Variants in XRN2 observed in about 807,000 individuals in gnomAD.
XRN2 encodes DHM1-like protein.
Under a neutral mutation model 138.5 loss-of-function variants are expected in XRN2, and 44 were observed. The observed-to-expected ratio is 0.32, with a 90% CI of 0.25 to 0.41. XRN2 has a LOEUF of 0.41. Among genes scored for constraint, XRN2 ranks in the 10% least tolerant of loss-of-function variants. The probability of loss-of-function intolerance (pLI) is 1.00; values close to 1 mark genes in which losing one functional copy is unlikely to be tolerated. For synonymous variants in XRN2, 354 were observed against 369.4 expected (o/e 0.96, Z 0.48); for missense variants, 937 against 1,169.3 (o/e 0.80, Z 2.90).
At chr20:21,357,686 T>C (rs1442525677) in intron 23 of XRN2, 50 bp from the exon 24 acceptor site, 21 of 1,472,274 alleles carry the variant, frequency 1.4e-5, no homozygotes, top group Non-Finnish European at 1.8e-5. Context: ...TCCACTTACC[T>C]AAAAGGTTAC....
intron 20 of XRN2, among the ~76,000 whole-genome samples, chr20:21,352,402 A>G (rs1176971702): frequency 6.6e-6 from 1 of 151,780 alleles, no homozygotes; most frequent in African/African-American, 2.4e-5. Context: ...ATCTCGGCTC[A>G]CTGTAACCTC....
intron 29 of XRN2, 114 bp downstream of exon 29, chr20:21,387,120 G>A: frequency 1.4e-6 from 2 of 1,404,564 alleles, no homozygotes; most frequent in Non-Finnish European, 1.9e-6. Flanking sequence ...GAGTAGCTTA[G>A]AGTAGCTTGG....
At chr20:21,309,441 C>T (rs2037848631) in intron 1 of XRN2, among the ~76,000 whole-genome samples, 1 of 152,152 alleles carries the variant, frequency 6.6e-6, no homozygotes, top group African/African-American at 2.4e-5. Context: ...TCAAGCTTGT[C>T]CAACCTGTGG....
intron 19 of XRN2, 118 bp from the exon 20 acceptor site, chr20:21,349,271 A>G (rs2122255442): frequency 1.4e-6 from 1 of 721,718 alleles, no homozygotes; most frequent in Admixed American, 2.6e-5. Context: ...CATTTTTTAA[A>G]AGGAATGCAC....
chr20:21,385,475 C>T (rs111228052), intron 28 of XRN2, among the ~76,000 whole-genome samples: 163 of 152,274 alleles, frequency 1.1e-3, no homozygotes, highest in African/African-American at 3.8e-3. Context: ...AAAGCCCTAG[C>T]CATATGCATT....
intron 1 of XRN2, among the ~76,000 whole-genome samples, chr20:21,312,335 A>G (rs2122165425): frequency 6.6e-6 from 1 of 152,260 alleles, no homozygotes; most frequent in African/African-American, 2.4e-5. Flanking sequence ...CGTGTTAGCC[A>G]GGATGGTCTC....
In XRN2 at chr20:21,380,615, C is replaced by T. The variant is rs533618466; in HGVS notation, c.2585-1379C>T. ...TCCACATTGTTACTCGGTTTGACTG[C>T]TAGTAGTTTGGTTTTTAAGAAATAA... On this transcript the variant is annotated intron_variant, in intron 27 of 29. Coordinates refer to ENST00000377191, the MANE Select transcript of XRN2 (RefSeq NM_012255.5). 5.3e-5 allele frequency among the ~76,000 whole-genome samples: 8 copies of T among 152,282 alleles called. No homozygotes were observed. In the East Asian group the frequency reaches 1.3e-3, roughly 26 times the overall value.
intron 1 of XRN2, among the ~76,000 whole-genome samples, chr20:21,320,634 AC>A (rs1189657108): frequency 3.3e-5 from 5 of 151,620 alleles, no homozygotes; most frequent in Non-Finnish European, 7.4e-5. Flanking sequence ...TCTTGCTGTC[AC>A]CCAGGTTGGA....
At chr20:21,303,503 C>A in intron 1 of XRN2, 30 bp downstream of exon 1, 1 of 1,534,386 alleles carries the variant, frequency 6.5e-7, no homozygotes, top group South Asian at 1.2e-5. Flanking sequence ...CCGCCACACT[C>A]GAGCCCGGGC....
At chr20:21,381,900 AT>A (rs949660682) in intron 27 of XRN2, 93 bp from the exon 28 acceptor site, 6 of 1,028,410 alleles carry the variant, frequency 5.8e-6, no homozygotes, top group African/African-American at 3.3e-5. Flanking sequence ...TCTTTCTCAG[AT>A]TTTTTTCAAG....
chr20:21,383,525 A>G (rs967584156), intron 28 of XRN2, among the ~76,000 whole-genome samples: 11 of 152,224 alleles, frequency 7.2e-5, no homozygotes, highest in African/African-American at 2.4e-4. Flanking sequence ...CAGCTTACCT[A>G]AGGTCACTCT....
chr20:21,317,624 G>A (rs892541542), intron 1 of XRN2, among the ~76,000 whole-genome samples: 1 of 152,110 alleles, frequency 6.6e-6, no homozygotes, highest in Non-Finnish European at 1.5e-5. Flanking sequence ...TATAATCTAT[G>A]CACATCTTCT....
chr20:21,310,648 A>G (rs1017155912), intron 1 of XRN2, among the ~76,000 whole-genome samples: 8 of 151,908 alleles, frequency 5.3e-5, no homozygotes, highest in African/African-American at 1.7e-4. Flanking sequence ...GTTTTTTTCT[A>G]TTCTTTTATT....
chr20:21,369,921 G>T (rs972419651), intron 27 of XRN2, among the ~76,000 whole-genome samples: 1 of 152,128 alleles, frequency 6.6e-6, no homozygotes, highest in African/African-American at 2.4e-5. Flanking sequence ...TGCTTGTGGG[G>T]TATTGCTCAA....
intron 13 of XRN2, among the ~76,000 whole-genome samples, chr20:21,335,023 A>G (rs1237614530): frequency 6.6e-6 from 1 of 152,182 alleles, no homozygotes; most frequent in Non-Finnish European, 1.5e-5. Context: ...GAGTAAAAGT[A>G]CCTTTAATAG....
intron 26 of XRN2, among the ~76,000 whole-genome samples, chr20:21,366,055 A>AT (rs2038694753): frequency 2.6e-5 from 3 of 116,018 alleles, no homozygotes; most frequent in East Asian, 2.3e-4. Context: ...TAGTTTATAT[A>AT]ATATATATAA....
chr20:21,358,484 G>A (rs933599259), intron 24 of XRN2, among the ~76,000 whole-genome samples: 2 of 151,964 alleles, frequency 1.3e-5, no homozygotes, highest in Non-Finnish European at 2.9e-5. Context: ...CAATCTTTAG[G>A]TAAGACTAAA....
At position 21,354,827 on chromosome 20, in the gene XRN2, C is replaced by T. The variant is rs1420126214; in HGVS notation, c.1975C>T (p.Arg659Ter). Residue 659 changes from arginine (R) to a stop codon, truncating the protein, a stop_gained, in exon 21 of 30, where the codon CGA (arginine) becomes TGA (stop). Transcript: ENST00000377191. LOFTEE classifies it high-confidence loss of function. Reference sequence around the variant, plus strand: ...GCCATTCGTGGATGAGCGAAGGCTACGAGCTGCCCTAGAAGAGGTATACCC... The same window carrying T: ...GCCATTCGTGGATGAGCGAAGGCTATGAGCTGCCCTAGAAGAGGTATACCC... The part of the protein sequence containing the change: ...LLPFVDERRL[R>*]AALEEVYPDL... The T allele has an allele frequency of 1.9e-6, 3 of 1,613,840 alleles. No individual in the cohort carries two copies. The highest frequency in any genetic ancestry group is 2.5e-6 in the Non-Finnish European group (3 of 1,179,946).
In XRN2 at chr20:21,365,512, A is replaced by G. The variant is rs1467323719; in HGVS notation, c.2324+23A>G. 4 of 1,613,584 alleles carry G rather than the reference A, an allele frequency of 2.5e-6. No homozygotes were observed. In the African/African-American group the frequency reaches 4.0e-5, roughly 16 times the overall value. ...AAGGTAACAACAGTAAATTACCTAG[A>G]TTTATTTTGTACAAATGGTTTTCAT... is the stretch of plus-strand genomic sequence containing the variant. On this transcript the variant is annotated intron_variant, in intron 25 of 29. Coordinates refer to ENST00000377191, the MANE Select transcript of XRN2 (RefSeq NM_012255.5).
Sources: allele counts gnomAD v4.1 joint callset (sites outside exome capture counted in the v4.1 genomes callset), GRCh38; gene constraint gnomAD v4.1.1; transcripts MANE v1.5; gene names NCBI Gene and HGNC (gene_info 2026-07-23, HGNC 2026-07-21).